Variants in DCC observed in about 807,000 individuals in gnomAD.
The protein encoded by DCC is netrin receptor DCC.
DCC carries 58 observed loss-of-function variants against 172.5 expected under a neutral mutation model. That is an observed-to-expected ratio of 0.34 (90% confidence interval 0.27 to 0.42). DCC has a LOEUF of 0.42. Ranked by LOEUF, DCC falls within the 10% of genes least tolerant of loss-of-function variation. The pLI is 1.00. For missense variants in DCC, 1,740 were observed against 1,791.0 expected (o/e 0.97, Z 0.51); for synonymous variants, 709 against 644.5 (o/e 1.10, Z -1.52).
intron 15 of DCC, among the ~76,000 whole-genome samples, chr18:53,385,037 T>C (rs1422634193): frequency 6.7e-6 from 1 of 150,346 alleles, no homozygotes; most frequent in Admixed American, 6.6e-5. Flanking sequence ...TTTTTTTTTT[T>C]TGTATTTTTA....
At chr18:52,815,582 T>C (rs1300430707) in intron 2 of DCC, among the ~76,000 whole-genome samples, 1 of 152,162 alleles carries the variant, frequency 6.6e-6, no homozygotes, top group African/African-American at 2.4e-5. Flanking sequence ...CTTCCAGAGC[T>C]GTGAGAAATT....
At chr18:53,249,272 A>T (rs1041444140) in intron 12 of DCC, among the ~76,000 whole-genome samples, 2 of 152,004 alleles carry the variant, frequency 1.3e-5, no homozygotes, top group Non-Finnish European at 2.9e-5. Flanking sequence ...AACAAATATT[A>T]TAGCTATCTT....
intron 1 of DCC, among the ~76,000 whole-genome samples, chr18:52,515,603 T>G (rs2031604252): frequency 4.3e-4 from 1 of 2,332 alleles, no homozygotes; most frequent in Non-Finnish European, 1.6e-3. Flanking sequence ...CGAAACCCTG[T>G]CTCAAAAAAA....
intron 5 of DCC, among the ~76,000 whole-genome samples, chr18:53,038,197 A>G (rs1213889725): frequency 6.6e-6 from 1 of 152,026 alleles, no homozygotes; most frequent in African/African-American, 2.4e-5. Context: ...CCCTAAACTT[A>G]CTTGTACAGT....
intron 2 of DCC, among the ~76,000 whole-genome samples, chr18:52,814,248 C>T (rs976317419): frequency 3.9e-5 from 6 of 152,140 alleles, no homozygotes; most frequent in Non-Finnish European, 7.3e-5. Context: ...AAGGAACAAA[C>T]AAAATATTGG....
chr18:53,202,184 G>A (rs1198321049), intron 9 of DCC, among the ~76,000 whole-genome samples: 18 of 152,078 alleles, frequency 1.2e-4, no homozygotes, highest in Non-Finnish European at 1.0e-4. Context: ...AAACCTTGAA[G>A]GAATGTCTTT....
chr18:52,457,565 A>G (rs145433317), intron 1 of DCC, among the ~76,000 whole-genome samples: 165 of 152,310 alleles, frequency 1.1e-3, no homozygotes, highest in African/African-American at 3.9e-3. Flanking sequence ...TTATGTCAGT[A>G]TCATAAATGT....
Position 53,339,785 on chromosome 18 carries a change from C to A in DCC, c.2237C>A (p.Thr746Asn). Residue 746 changes from threonine (T) to asparagine (N), a missense_variant, in exon 15 of 29, where the codon ACT becomes AAT. Physicochemically the swap from Thr to Asn is moderately conservative, Grantham distance 65. Transcript: ENST00000442544. ...PQTNCIIMSW[T>N]PPLNPNIVVR... is the part of the protein sequence containing the mutation. ...ACTAACTGCATCATCATGAGTTGGACTCCTCCCTTGAACCCAAACATCGTG... is the reference window on the plus strand; with the variant it reads ...ACTAACTGCATCATCATGAGTTGGAATCCTCCCTTGAACCCAAACATCGTG... 6.2e-7 allele frequency: 1 copy of A among 1,613,894 alleles called. No individual in the cohort carries two copies. Among genetic ancestry groups the A allele is most frequent in the Non-Finnish European group, 8.5e-7 (1 of 1,179,874 alleles).
At chr18:52,868,651 G>A (rs951686792) in intron 2 of DCC, among the ~76,000 whole-genome samples, 2 of 152,198 alleles carry the variant, frequency 1.3e-5, no homozygotes, top group African/African-American at 4.8e-5. Flanking sequence ...TTTCATGACT[G>A]TGAAGCTCTG....
intron 8 of DCC, among the ~76,000 whole-genome samples, chr18:53,176,627 A>T (rs2055099719): frequency 6.6e-6 from 1 of 152,184 alleles, no homozygotes; most frequent in African/African-American, 2.4e-5. Context: ...AACCACAATG[A>T]GATACCATCT....
At chr18:53,413,044 T>A (rs929385980) in intron 20 of DCC, among the ~76,000 whole-genome samples, 2 of 152,174 alleles carry the variant, frequency 1.3e-5, no homozygotes, top group African/African-American at 4.8e-5. Flanking sequence ...GTCAAACTAT[T>A]GGAAGACTTA....
At chr18:52,847,099 C>T (rs987999766) in intron 2 of DCC, among the ~76,000 whole-genome samples, 2 of 152,122 alleles carry the variant, frequency 1.3e-5, no homozygotes, top group Non-Finnish European at 2.9e-5. Flanking sequence ...ATTCTCTTTT[C>T]GTCTATTCCT....
chr18:52,738,800 C>T (rs1428722960), intron 1 of DCC, among the ~76,000 whole-genome samples: 1 of 148,586 alleles, frequency 6.7e-6, no homozygotes, highest in African/African-American at 2.5e-5. Context: ...AGTGCAGTGG[C>T]ACAAACATGG....
At chr18:52,870,111 C>T (rs945148445) in intron 2 of DCC, among the ~76,000 whole-genome samples, 1 of 152,160 alleles carries the variant, frequency 6.6e-6, no homozygotes, top group Non-Finnish European at 1.5e-5. Context: ...AGCAGGCTCT[C>T]GGGGGTGGGG....
intron 22 of DCC, 125 bp downstream of exon 22, chr18:53,435,334 G>T (rs922174263): frequency 1.5e-6 from 1 of 655,188 alleles, no homozygotes; most frequent in Non-Finnish European, 2.7e-6. Flanking sequence ...GTCTTAGTGG[G>T]ATAATAGAAA....
chr18:52,869,987 TG>T (rs1181529881), intron 2 of DCC, among the ~76,000 whole-genome samples: 1 of 152,024 alleles, frequency 6.6e-6, no homozygotes, highest in African/African-American at 2.4e-5. Flanking sequence ...CAGCCTGGGG[TG>T]GGGGCTCCAG....
intron 1 of DCC, among the ~76,000 whole-genome samples, chr18:52,632,644 G>A (rs146108887): frequency 6.6e-6 from 1 of 152,108 alleles, no homozygotes; most frequent in Non-Finnish European, 1.5e-5. Context: ...CTTCTTAATG[G>A]ATATATCCTG....
intron 7 of DCC, among the ~76,000 whole-genome samples, chr18:53,102,553 G>C (rs556016669): frequency 7.4e-4 from 113 of 152,106 alleles, no homozygotes; most frequent in African/African-American, 2.6e-3. Flanking sequence ...TATTGATGTG[G>C]GTGAGTGAGC....
At chr18:53,372,428 A>T (rs2058068488) in intron 15 of DCC, among the ~76,000 whole-genome samples, 1 of 152,064 alleles carries the variant, frequency 6.6e-6, no homozygotes, top group African/African-American at 2.4e-5. Flanking sequence ...GAACACAAAG[A>T]GGGCAACAGC....
Sources: gnomAD v4.1 joint callset for allele counts (sites outside exome capture counted in the v4.1 genomes callset) on GRCh38, gnomAD v4.1.1 for gene constraint, MANE v1.5 for transcripts, NCBI Gene and HGNC (gene_info 2026-07-23, HGNC 2026-07-21) for gene names.